The following ABTB3 variants were observed in gnomAD, a reference collection of about 807,000 sequenced individuals.
ABTB3 encodes the protein ankyrin repeat and BTB domain containing 3.
the ABTB3 span, among the ~76,000 whole-genome samples, chr12:107,426,842 G>A: frequency 6.6e-6 from 1 of 151,926 alleles, no homozygotes; most frequent in African/African-American, 2.4e-5. Flanking sequence ...GTCCTCTTAA[G>A]TCCTCTCTAT....
At chr12:107,408,632 A>G in the ABTB3 span, among the ~76,000 whole-genome samples, 3 of 152,194 alleles carry the variant, frequency 2.0e-5, no homozygotes, top group African/African-American at 7.2e-5. Context: ...AGATGAGTGT[A>G]ATGAGGGTCT....
chr12:107,371,476 C>T, the ABTB3 span, among the ~76,000 whole-genome samples: 4 of 152,120 alleles, frequency 2.6e-5, no homozygotes, highest in African/African-American at 9.7e-5. Context: ...CAGAGCTGGC[C>T]TCGTTTCAGA....
the ABTB3 span, among the ~76,000 whole-genome samples, chr12:107,624,597 G>A: frequency 1.3e-5 from 2 of 152,234 alleles, no homozygotes; most frequent in South Asian, 4.1e-4. Flanking sequence ...TGTAATTTTG[G>A]AGATTGGACT....
the ABTB3 span, among the ~76,000 whole-genome samples, chr12:107,559,447 G>A: frequency 0.37 from 56,867 of 152,084 alleles, 10,775 homozygotes; most frequent in Non-Finnish European, 0.38. Context: ...GCCCAGCATG[G>A]CAGGAACCAA....
At chr12:107,525,912 T>C in the ABTB3 span, among the ~76,000 whole-genome samples, 1 of 152,218 alleles carries the variant, frequency 6.6e-6, no homozygotes, top group African/African-American at 2.4e-5. Context: ...AAACTGAGAC[T>C]TTGGAAGGAT....
chr12:107,365,571 G>A, the ABTB3 span, among the ~76,000 whole-genome samples: 1 of 152,126 alleles, frequency 6.6e-6, no homozygotes, highest in Non-Finnish European at 1.5e-5. Context: ...GCTGATACAA[G>A]CACCTACCAA....
At chr12:107,348,358 G>C in the ABTB3 span, among the ~76,000 whole-genome samples, 2 of 152,054 alleles carry the variant, frequency 1.3e-5, no homozygotes, top group Admixed American at 1.3e-4. Flanking sequence ...TTCAGTAAAT[G>C]TGTCCTGACC....
the ABTB3 span, among the ~76,000 whole-genome samples, chr12:107,624,747 G>A: frequency 1.3e-5 from 2 of 152,188 alleles, no homozygotes; most frequent in Non-Finnish European, 2.9e-5. Flanking sequence ...GAAGGACATC[G>A]GAGTTGTTTC....
the ABTB3 span, among the ~76,000 whole-genome samples, chr12:107,469,866 T>TTTCTTTCTTTCTTTC: frequency 2.6e-5 from 2 of 75,502 alleles, no homozygotes; most frequent in East Asian, 7.9e-4. Flanking sequence ...TCTTTCTTTC[T>TTTCTTTCTTTCTTTC]TTTCTTTCTT....
chr12:107,368,931 T>C, the ABTB3 span, among the ~76,000 whole-genome samples: 1 of 152,186 alleles, frequency 6.6e-6, no homozygotes, highest in Admixed American at 6.5e-5. Context: ...CATTTTTCTA[T>C]TGCATTTCCT....
the ABTB3 span, among the ~76,000 whole-genome samples, chr12:107,404,417 A>G: frequency 6.6e-6 from 1 of 152,086 alleles, no homozygotes; most frequent in East Asian, 1.9e-4. Flanking sequence ...CTGGCCCCAC[A>G]AATACTCGAT....
chr12:107,463,609 C>T, the ABTB3 span, among the ~76,000 whole-genome samples: 1 of 152,140 alleles, frequency 6.6e-6, no homozygotes, highest in South Asian at 2.1e-4. Context: ...GATGGTCAGA[C>T]TCCAAAGTTT....
the ABTB3 span, among the ~76,000 whole-genome samples, chr12:107,420,615 G>T: frequency 6.6e-6 from 1 of 152,106 alleles, no homozygotes; most frequent in Non-Finnish European, 1.5e-5. Context: ...TTTGGGTGGG[G>T]ACACAGCCAA....
chr12:107,516,697 T>A, the ABTB3 span, among the ~76,000 whole-genome samples: 1 of 151,938 alleles, frequency 6.6e-6, no homozygotes, highest in East Asian at 1.9e-4. Flanking sequence ...AGAGCAGGAG[T>A]GTGAAAGGCC....
the ABTB3 span, among the ~76,000 whole-genome samples, chr12:107,460,154 C>A: frequency 1.3e-5 from 2 of 152,194 alleles, no homozygotes; most frequent in Admixed American, 6.5e-5. Flanking sequence ...TCTTTTCCTG[C>A]AAAGAAAAGA....
At chr12:107,460,109 A>G in the ABTB3 span, among the ~76,000 whole-genome samples, 2 of 152,240 alleles carry the variant, frequency 1.3e-5, no homozygotes, top group Admixed American at 1.3e-4. Context: ...ACAGGGTACC[A>G]AGCCACCTGT....
chr12:107,508,434 A>ATTTTTT, the ABTB3 span, among the ~76,000 whole-genome samples: 20 of 58,702 alleles, frequency 3.4e-4, no homozygotes, highest in Non-Finnish European at 5.7e-4. Flanking sequence ...CTCAAAGATC[A>ATTTTTT]TTTCTTTTTT....
the ABTB3 span, among the ~76,000 whole-genome samples, chr12:107,372,370 G>A: frequency 6.6e-6 from 1 of 152,138 alleles, no homozygotes. Flanking sequence ...CCAGAACAAA[G>A]CAGGGATAGT....
At chr12:107,545,877 G>A in the ABTB3 span, among the ~76,000 whole-genome samples, 28 of 152,264 alleles carry the variant, frequency 1.8e-4, no homozygotes, top group Non-Finnish European at 2.9e-4. Flanking sequence ...CAGCCGTGCA[G>A]TTTCTCTGGC....
Sources: gnomAD v4.1 joint callset for allele counts (sites outside exome capture counted in the v4.1 genomes callset) on GRCh38, gnomAD v4.1.1 for gene constraint, MANE v1.5 for transcripts, NCBI Gene and HGNC (gene_info 2026-07-23, HGNC 2026-07-21) for gene names.